ZNF280D: variants seen among roughly 807,000 people sequenced by gnomAD.
The protein encoded by ZNF280D is suppressor of hairy wing homolog 4.
ZNF280D carries 39 observed loss-of-function variants against 94.7 expected under a neutral mutation model. The ratio of observed to expected loss-of-function variants is 0.41; its 90% CI spans 0.32 to 0.54. The LOEUF is 0.54. Ranked by LOEUF, ZNF280D falls within the 20% of genes least tolerant of loss-of-function variation. The pLI, the probability that ZNF280D is intolerant of heterozygous loss-of-function variation, is 0.22. For synonymous variants in ZNF280D, 398 were observed against 377.6 expected, an observed-to-expected ratio of 1.05 and a Z score of -0.63; for missense variants, 1,090 against 1,149.3, an observed-to-expected ratio of 0.95 and a Z score of 0.75.
At chr15:56,641,671 A>C (rs917904061) in intron 20 of ZNF280D, among the ~76,000 whole-genome samples, 8 of 151,882 alleles carry the variant, frequency 5.3e-5, no homozygotes, top group Non-Finnish European at 1.2e-4. Flanking sequence ...AATTATGATG[A>C]GTTAAACAAG....
intron 1 of ZNF280D, among the ~76,000 whole-genome samples, chr15:56,717,397 T>C (rs1357285961): frequency 6.6e-6 from 1 of 152,010 alleles, no homozygotes; most frequent in South Asian, 2.1e-4. Context: ...GATTTTAAAG[T>C]TTGTCATGAG....
chr15:56,676,303 G>A (rs2279298), intron 13 of ZNF280D, among the ~76,000 whole-genome samples: 72,423 of 151,924 alleles, frequency 0.48, 19,234 homozygotes, highest in East Asian at 0.6. Context: ...TTCTTCCTCA[G>A]TTCAAACTCA....
chr15:56,670,847 A>AT (rs1185610143), intron 13 of ZNF280D, among the ~76,000 whole-genome samples: 1 of 151,900 alleles, frequency 6.6e-6, no homozygotes, highest in East Asian at 1.9e-4. Context: ...AGCATCTATT[A>AT]TTTTTTTATC....
At chr15:56,684,311 T>C (rs149043171) in intron 9 of ZNF280D, among the ~76,000 whole-genome samples, 69 of 152,186 alleles carry the variant, frequency 4.5e-4, no homozygotes, top group African/African-American at 1.6e-3. Flanking sequence ...AAAAATACCA[T>C]GTAATAAAAG....
At chr15:56,664,746 C>T (rs2054176213) in intron 16 of ZNF280D, among the ~76,000 whole-genome samples, 1 of 152,036 alleles carries the variant, frequency 6.6e-6, no homozygotes, top group Admixed American at 6.5e-5. Context: ...TCAGAGTTGA[C>T]TAAATCAAGG....
rs566244641 is a variant in ZNF280D at position 56,658,313 on chromosome 15, A to G, written c.2057+111T>C. On this transcript the variant is annotated intron_variant, in intron 17 of 21. Transcript: ENST00000267807. ...TGTGAATATCCTAAAACCTATAAAC[A>G]CATAAATTGTATGGTATGCTAATTC... The G allele has an allele frequency of 6.1e-5, 45 of 743,202 alleles. No homozygotes were observed. The African/African-American group carries it at 7.9e-4, about 13-fold the overall frequency. The allele number at this position is 743,202 out of a possible 1,614,324, so 46.0% of individuals were successfully genotyped here.
rs1448345734 is a variant in ZNF280D at position 56,666,413 on chromosome 15, T to C, written c.1976A>G (p.Tyr659Cys). The C allele has an allele frequency of 1.2e-6, 2 of 1,608,850 alleles. No homozygotes were observed. The highest frequency in any genetic ancestry group is 1.3e-5 in the African/African-American group (1 of 74,582). Residue 659 changes from tyrosine (Y) to cysteine (C), a missense_variant, in exon 16 of 22, where the codon TAT (tyrosine) becomes TGT (cysteine). Physicochemically the swap from Tyr to Cys is radical, Grantham distance 194. This residue lies in a region of ZNF280D where 577 missense variants were observed against 568.8 expected (regional missense o/e 1.01). Transcript: ENST00000267807. The part of the protein sequence containing the change: ...CRYNTSCSKA[Y>C]VNHMMSFHSN... ...ATCTTACCTCATCATATGATTTACA[T>C]AGGCTTTGCTACAGCTAGTGTTGTA...
At chr15:56,662,641 A>G (rs61627994) in intron 16 of ZNF280D, among the ~76,000 whole-genome samples, 4,811 of 152,152 alleles carry the variant, frequency 0.032, 253 homozygotes, top group African/African-American at 0.11. Flanking sequence ...CCTGGACAAC[A>G]TGGTGAAAGC....
At chr15:56,655,832 G>A (rs750439151) in intron 17 of ZNF280D, among the ~76,000 whole-genome samples, 7 of 152,186 alleles carry the variant, frequency 4.6e-5, no homozygotes, top group Non-Finnish European at 8.8e-5. Context: ...GCACTTGGGA[G>A]TTGGTTACAC....
chr15:56,724,743 T>A, intron 1 of ZNF280D: 1 of 296,478 alleles, frequency 3.4e-6, no homozygotes, highest in Non-Finnish European at 6.8e-6. Flanking sequence ...AACACTACAA[T>A]AAAAGAAATC....
intron 16 of ZNF280D, among the ~76,000 whole-genome samples, chr15:56,663,068 A>C (rs749745430): frequency 1.5e-4 from 23 of 151,402 alleles, no homozygotes; most frequent in Non-Finnish European, 3.1e-4. Flanking sequence ...CAGATCACTT[A>C]AGCCCAGGAG....
intron 1 of ZNF280D, among the ~76,000 whole-genome samples, chr15:56,720,295 A>C (rs2058286965): frequency 6.6e-6 from 1 of 152,210 alleles, no homozygotes. Flanking sequence ...CTACTCATCC[A>C]TAAGAAACAA....
intron 1 of ZNF280D, among the ~76,000 whole-genome samples, chr15:56,720,218 A>G (rs2058282653): frequency 6.6e-6 from 1 of 152,154 alleles, no homozygotes; most frequent in Admixed American, 6.5e-5. Flanking sequence ...AATACTCTAA[A>G]TCCTTTGCTG....
chr15:56,729,308 A>G (rs528545844), intron 1 of ZNF280D, among the ~76,000 whole-genome samples: 1 of 152,356 alleles, frequency 6.6e-6, no homozygotes, highest in East Asian at 1.9e-4. Context: ...ATCACACAGC[A>G]TCAAACTCTC....
chr15:56,642,003 T>C (rs567008051), intron 20 of ZNF280D, among the ~76,000 whole-genome samples: 2 of 151,700 alleles, frequency 1.3e-5, no homozygotes, highest in African/African-American at 4.8e-5. Flanking sequence ...GTCAATATCA[T>C]GAATGAGAGG....
rs773747968 is a variant in ZNF280D at position 56,701,099 on chromosome 15, G to A, written c.242-27C>T. 3.7e-6 allele frequency: 6 copies of A among 1,612,296 alleles called. No homozygotes were observed. The South Asian group carries it at 6.6e-5, about 18-fold the overall frequency. ...TGTATTTTAAAGTAACACAATATATGGAAATTATTTGTACATAATCAATTT... is the reference window on the plus strand; with the variant it reads ...TGTATTTTAAAGTAACACAATATATAGAAATTATTTGTACATAATCAATTT... On this transcript the variant is annotated intron_variant, in intron 5 of 21. Coordinates refer to ENST00000267807, the MANE Select transcript of ZNF280D (RefSeq NM_017661.4).
chr15:56,710,669 A>T (rs1326471437), intron 1 of ZNF280D, among the ~76,000 whole-genome samples: 2 of 152,028 alleles, frequency 1.3e-5, no homozygotes, highest in East Asian at 3.9e-4. Flanking sequence ...TATAAAAAAA[A>T]TTAGAAATCA....
Position 56,635,238 on chromosome 15 carries a change from G to A in ZNF280D, c.2272C>T (p.Pro758Ser), listed in dbSNP as rs749403949. 2 of 1,529,536 alleles carry A rather than the reference G, an allele frequency of 1.3e-6. No individual in the cohort carries two copies. The highest frequency in any genetic ancestry group is 2.6e-5 in the South Asian group (2 of 76,790). The allele number at this position is 1,529,536 out of a possible 1,614,324, so 94.7% of individuals were successfully genotyped here. A position where few individuals can be genotyped will look rare whatever the true frequency, so the allele number is the denominator to read the frequency against. Residue 758 changes from proline (P) to serine (S), a missense_variant, in exon 21 of 22, where the codon CCT (proline) becomes TCT (serine). Around this residue, in one of 3 missense-constraint regions of ZNF280D, gnomAD observed 577 missense variants for 568.8 expected, o/e 1.01. Coordinates refer to ENST00000267807, the MANE Select transcript of ZNF280D (RefSeq NM_017661.4). ...QEPVSKEIARPNMAERETETS... is the reference protein window; with the variant it reads ...QEPVSKEIARSNMAERETETS... The stretch of plus-strand genomic sequence containing the variant: ...TCTGTTTCTCTTTCAGCCATGTTAG[G>A]TCTTGCAATTTCCTGAAATAATTAA...
At chr15:56,634,760 C>T (rs1463151518) in intron 21 of ZNF280D, among the ~76,000 whole-genome samples, 1 of 151,950 alleles carries the variant, frequency 6.6e-6, no homozygotes, top group Non-Finnish European at 1.5e-5. Context: ...AAAGCCAAAC[C>T]CTGAGTTTTG....
Sources: gnomAD v4.1 joint callset for allele counts (sites outside exome capture counted in the v4.1 genomes callset) on GRCh38, gnomAD v4.1.1 for gene constraint, gnomAD v4.1.1 regional missense constraint, MANE v1.5 for transcripts, NCBI Gene and HGNC (gene_info 2026-07-23, HGNC 2026-07-21) for gene names.